PREX2: variants seen among roughly 807,000 people sequenced by gnomAD.
PREX2 encodes phosphatidylinositol 3,4,5-trisphosphate-dependent Rac exchanger 2 protein.
A neutral mutation model predicts 203.2 loss-of-function variants in PREX2; 107 were observed. That is an observed-to-expected ratio of 0.53 (90% CI 0.45 to 0.62). PREX2 has a LOEUF of 0.62. Among genes scored for constraint, PREX2 ranks in the 20% least tolerant of loss-of-function variants. The pLI is 0.00. For missense variants in PREX2, 1,777 were observed against 1,955.9 expected, an observed-to-expected ratio of 0.91 and a Z score of 1.72; for synonymous variants, 672 against 663.6, an observed-to-expected ratio of 1.01 and a Z score of -0.19.
intron 25 of PREX2, among the ~76,000 whole-genome samples, chr8:68,113,096 C>T (rs184359488): frequency 4.3e-4 from 65 of 152,256 alleles, no homozygotes; most frequent in Non-Finnish European, 8.2e-4. Context: ...GGGATTTCTG[C>T]AAGCACAAAT....
chr8:67,952,318 G>C lies in PREX2; in HGVS notation c.-77G>C. 1.6e-6 allele frequency: 2 copies of C among 1,240,452 alleles called. No individual in the cohort carries two copies. The highest frequency in any genetic ancestry group is 2.1e-6 in the Non-Finnish European group (2 of 975,438). The allele number at this position is 1,240,452 out of a possible 1,614,324, so 76.8% of individuals were successfully genotyped here. On this transcript the variant is annotated 5_prime_UTR_variant, in exon 1 of 40. Transcript: ENST00000288368. ...GCGGCAACTTTCCATTCTCGCCGCCGGGGGCCGGGCAGCAGCGGGCGCGCG... is the reference window on the plus strand; with the variant it reads ...GCGGCAACTTTCCATTCTCGCCGCCCGGGGCCGGGCAGCAGCGGGCGCGCG...
chr8:68,090,316 T>C, intron 19 of PREX2, among the ~76,000 whole-genome samples: 1 of 152,162 alleles, frequency 6.6e-6, no homozygotes, highest in East Asian at 1.9e-4. Flanking sequence ...AAAGAACTGA[T>C]TAGTATTATA....
Position 68,090,724 on chromosome 8 carries a change from C to A in PREX2, c.2250+9C>A. ...ACAGGCGGCCAACGAAGGTAAGTGG[C>A]CCTTCAGATAATCTGGATCTGAGTG... On this transcript the variant is annotated intron_variant, in intron 20 of 39. Transcript: ENST00000288368. 6.2e-7 allele frequency: 1 copy of A among 1,611,570 alleles called. No homozygotes were observed. Among genetic ancestry groups the A allele is most frequent in the South Asian group, 1.1e-5 (1 of 90,924 alleles).
chr8:68,068,184 G>A (rs1231826171), intron 11 of PREX2, among the ~76,000 whole-genome samples: 1 of 151,846 alleles, frequency 6.6e-6, no homozygotes, highest in Non-Finnish European at 1.5e-5. Context: ...TTTTCTTGTA[G>A]TATTCATATC....
intron 1 of PREX2, among the ~76,000 whole-genome samples, chr8:67,999,187 TGG>T (rs200726720): frequency 0.11 from 16,940 of 152,054 alleles, 951 homozygotes; most frequent in South Asian, 0.16. Context: ...ACCCAGTAGT[TGG>T]GTTTTTGAAA....
At chr8:68,055,495 C>G (rs1808649924) in intron 9 of PREX2, among the ~76,000 whole-genome samples, 1 of 152,016 alleles carries the variant, frequency 6.6e-6, no homozygotes, top group Non-Finnish European at 1.5e-5. Context: ...TAGGGCTACT[C>G]TGTCCAGTTC....
intron 11 of PREX2, among the ~76,000 whole-genome samples, chr8:68,068,771 A>T (rs556595475): frequency 6.6e-6 from 1 of 152,188 alleles, no homozygotes; most frequent in South Asian, 2.1e-4. Flanking sequence ...ATATAAATAC[A>T]TATATTATGC....
At chr8:68,002,108 T>G (rs1271339222) in intron 1 of PREX2, among the ~76,000 whole-genome samples, 1 of 149,642 alleles carries the variant, frequency 6.7e-6, no homozygotes, top group African/African-American at 2.4e-5. Flanking sequence ...AGAAAGTGCA[T>G]GGAGAAGATA....
chr8:68,052,999 T>A (rs1808566127), intron 8 of PREX2, 98 bp from the exon 9 acceptor site: 1 of 1,022,734 alleles, frequency 9.8e-7, no homozygotes. Context: ...GTTGAACAAT[T>A]CAGTGGTTTT....
At chr8:68,023,719 TG>T (rs2129610325) in intron 4 of PREX2, among the ~76,000 whole-genome samples, 1 of 152,218 alleles carries the variant, frequency 6.6e-6, no homozygotes, top group South Asian at 2.1e-4. Context: ...TTTATTCCTT[TG>T]TTTTCCCACT....
At chr8:67,958,497 C>T (rs1294086583) in intron 1 of PREX2, among the ~76,000 whole-genome samples, 1 of 152,094 alleles carries the variant, frequency 6.6e-6, no homozygotes, top group Non-Finnish European at 1.5e-5. Context: ...GTAGCTATTG[C>T]GATTAGATTT....
intron 25 of PREX2, among the ~76,000 whole-genome samples, chr8:68,113,160 A>G (rs563722833): frequency 6.6e-6 from 1 of 152,334 alleles, no homozygotes; most frequent in Non-Finnish European, 1.5e-5. Flanking sequence ...TATGCAAAAC[A>G]TGGTGTTAAA....
intron 34 of PREX2, among the ~76,000 whole-genome samples, chr8:68,155,886 A>G (rs1453010075): frequency 6.6e-6 from 1 of 152,246 alleles, no homozygotes; most frequent in Non-Finnish European, 1.5e-5. Flanking sequence ...TTCAAAATAC[A>G]TTTAAAATTA....
chr8:68,148,838 C>T (rs558761567), intron 34 of PREX2, among the ~76,000 whole-genome samples: 9 of 152,210 alleles, frequency 5.9e-5, no homozygotes, highest in Admixed American at 3.9e-4. Flanking sequence ...GTTTATTTAA[C>T]GGGGGTGCAG....
At chr8:68,198,985 A>G (rs1812452498) in intron 37 of PREX2, among the ~76,000 whole-genome samples, 1 of 152,198 alleles carries the variant, frequency 6.6e-6, no homozygotes, top group Non-Finnish European at 1.5e-5. Flanking sequence ...GGAGATCTGT[A>G]TATATGAGTT....
At chr8:68,036,074 G>A (rs1808019996) in intron 6 of PREX2, among the ~76,000 whole-genome samples, 1 of 152,142 alleles carries the variant, frequency 6.6e-6, no homozygotes, top group Non-Finnish European at 1.5e-5. Context: ...TCAGGAGTGA[G>A]GAGCTGATGG....
rs1810199898 is a variant in PREX2 at position 68,099,622 on chromosome 8, A to G, written c.2554-60A>G. The stretch of plus-strand genomic sequence containing the variant: ...TCTTCTTGTTTCGTTTTGTTTTTCT[A>G]TGTGTGTGTCTGTATGTGTGTTTGT... On this transcript the variant is annotated intron_variant, in intron 22 of 39. Coordinates refer to ENST00000288368, the MANE Select transcript of PREX2 (RefSeq NM_024870.4). The G allele has an allele frequency of 8.2e-6, 12 of 1,457,262 alleles. No homozygotes were observed. In the South Asian group the frequency reaches 1.2e-4, roughly 15 times the overall value. The allele number at this position is 1,457,262 out of a possible 1,614,324, so 90.3% of individuals were successfully genotyped here.
intron 26 of PREX2, among the ~76,000 whole-genome samples, chr8:68,117,689 C>A (rs1390919134): frequency 6.6e-6 from 1 of 152,192 alleles, no homozygotes; most frequent in African/African-American, 2.4e-5. Context: ...ATCTCCTGCA[C>A]TATTTCTGAA....
intron 1 of PREX2, among the ~76,000 whole-genome samples, chr8:67,969,794 G>A (rs1306030612): frequency 6.6e-6 from 1 of 152,050 alleles, no homozygotes; most frequent in Non-Finnish European, 1.5e-5. Context: ...ATTTATTTTG[G>A]TGAGTGGGTT....
Sources: gnomAD v4.1 joint callset for allele counts (sites outside exome capture counted in the v4.1 genomes callset) on GRCh38, gnomAD v4.1.1 for gene constraint, MANE v1.5 for transcripts, NCBI Gene and HGNC (gene_info 2026-07-23, HGNC 2026-07-21) for gene names.